The following BRD4 variants were observed in gnomAD, a reference collection of about 807,000 sequenced individuals.
BRD4 encodes the protein bromodomain-containing protein 4.
BRD4 carries 16 observed loss-of-function variants against 142.1 expected under a neutral mutation model. That is an observed-to-expected ratio of 0.11 (90% CI 0.08 to 0.17). BRD4 has a LOEUF of 0.17. Ranked by LOEUF, BRD4 falls within the 10% of genes least tolerant of loss-of-function variation. BRD4 has a pLI of 1.00. For synonymous variants in BRD4, 833 were observed against 707.5 expected (o/e 1.18, Z -2.82); for missense variants, 1,424 against 1,810.9 (o/e 0.79, Z 3.88).
chr19:15,264,179 G>C (rs1308774381), intron 6 of BRD4: 10 of 547,518 alleles, frequency 1.8e-5, no homozygotes, highest in Non-Finnish European at 2.8e-5. Flanking sequence ...CTAGGGGAAG[G>C]GGCAGCACAG....
rs746780898 is a variant in BRD4, at chr19:15,236,966, G to C, written c.*1411C>G. 9.9e-6 allele frequency: 2 copies of C among 202,718 alleles called. No homozygotes were observed. Among genetic ancestry groups the C allele is most frequent in the Non-Finnish European group, 2.0e-5 (2 of 99,694 alleles). The allele number at this position is 202,718 out of a possible 1,614,324, so 12.6% of individuals were successfully genotyped here. ...TGAGGCACCAGCGTCGTGGTGTAGA[G>C]TGGGTTCTCATGGCACGCGTAACCT... On this transcript the variant is annotated 3_prime_UTR_variant, in exon 20 of 20. Coordinates refer to ENST00000679869, the MANE Select transcript of BRD4 (RefSeq NM_001379291.1).
chr19:15,255,294 C>A lies in BRD4; in HGVS notation c.2047+3G>T. ...ACCCCATGCCCAGGGGGCCCAAGCA[C>A]ACCTTGAGGTTTCCTTTTCTTCCGC... is the stretch of plus-strand genomic sequence containing the variant. On this transcript the variant is annotated splice_donor_region_variant and intron_variant, in intron 10 of 19. Coordinates refer to ENST00000679869, the MANE Select transcript of BRD4 (RefSeq NM_001379291.1). 1.2e-6 allele frequency: 2 copies of A among 1,609,974 alleles called. No homozygotes were observed. Among genetic ancestry groups the A allele is most frequent in the Non-Finnish European group, 1.7e-6 (2 of 1,176,850 alleles).
intron 9 of BRD4, 80 bp from the exon 10 acceptor site, chr19:15,255,672 G>A (rs1285808263): frequency 1.3e-6 from 2 of 1,493,998 alleles, no homozygotes; most frequent in African/African-American, 1.4e-5. Context: ...ATGTATGTTG[G>A]GGGGAAGGGG....
rs1247875843 is a variant in BRD4, at chr19:15,263,431, G to A, written c.1330C>T (p.Arg444Cys). 1.9e-6 allele frequency: 3 copies of A among 1,613,978 alleles called. No individual in the cohort carries two copies. The highest frequency in any genetic ancestry group is 2.2e-5 in the East Asian group (1 of 44,894). The change falls in exon 7 of 20, where the codon CGC becomes TGC. Residue 444 changes from arginine (R) to cysteine (C), a missense_variant. Transcript: ENST00000679869. ...PPDHEVVAMA[R>C]KLQDVFEMRF... The stretch of plus-strand genomic sequence containing the variant: ...CTCCCAAGCCTCACCTGGAGCTTGC[G>A]GGCCATGGCCACCACCTCATGGTCA...
At chr19:15,308,479 C>T (rs1248772608) in intron 1 of BRD4, among the ~76,000 whole-genome samples, 2 of 150,808 alleles carry the variant, frequency 1.3e-5, no homozygotes, top group Admixed American at 1.3e-4. Flanking sequence ...CCCAGCTACT[C>T]AGGAGGCTGA....
Position 15,259,998 on chromosome 19 carries a change from G to A in BRD4, c.1342-2825C>T, listed in dbSNP as rs539715208. Among the ~76,000 whole-genome samples, 28 of 152,306 alleles carry A rather than the reference G, an allele frequency of 1.8e-4. No homozygotes were observed. The South Asian group carries it at 2.1e-3, about 11-fold the overall frequency. Reference sequence around the variant, plus strand: ...TGAGGGGTAGCAGGCACCAGCACCCGCCAGGGAACACCGAGTGCAGGCATT... The same window carrying A: ...TGAGGGGTAGCAGGCACCAGCACCCACCAGGGAACACCGAGTGCAGGCATT... On this transcript the variant is annotated intron_variant, in intron 7 of 19. Transcript: ENST00000679869.
intron 1 of BRD4, among the ~76,000 whole-genome samples, chr19:15,300,299 C>A (rs1396949909): frequency 6.6e-6 from 1 of 151,926 alleles, no homozygotes; most frequent in Non-Finnish European, 1.5e-5. Context: ...TGGTGGCTCA[C>A]CCCTGTAATC....
intron 1 of BRD4, among the ~76,000 whole-genome samples, chr19:15,308,844 T>C (rs534896532): frequency 1.7e-3 from 247 of 149,086 alleles, no homozygotes; most frequent in African/African-American, 5.8e-3. Context: ...TGAAACCCCG[T>C]CTCTACTAAA....
chr19:15,242,429 G>C (rs2047245416), intron 14 of BRD4, among the ~76,000 whole-genome samples: 1 of 152,188 alleles, frequency 6.6e-6, no homozygotes, highest in Admixed American at 6.5e-5. Context: ...GATGAGGACA[G>C]GTCCTGGGCG....
chr19:15,289,233 G>A (rs972327179), intron 1 of BRD4, among the ~76,000 whole-genome samples: 1 of 152,160 alleles, frequency 6.6e-6, no homozygotes, highest in Non-Finnish European at 1.5e-5. Context: ...GATTCCAGCA[G>A]AAAGCCAGAC....
intron 1 of BRD4, among the ~76,000 whole-genome samples, chr19:15,306,854 G>C (rs942664517): frequency 6.6e-6 from 1 of 152,102 alleles, no homozygotes; most frequent in Non-Finnish European, 1.5e-5. Context: ...AATCATAACA[G>C]ATATAATAGT....
chr19:15,267,904 A>T (rs1191339725), intron 3 of BRD4, among the ~76,000 whole-genome samples: 1 of 152,244 alleles, frequency 6.6e-6, no homozygotes, highest in Non-Finnish European at 1.5e-5. Context: ...TACGTGAATG[A>T]CACAGGATTT....
chr19:15,249,428 A>G, intron 11 of BRD4: 1 of 1,476,386 alleles, frequency 6.8e-7, no homozygotes. Flanking sequence ...GGCACTGGAG[A>G]CTGGAGCCCT....
At chr19:15,263,725 C>A (rs970722462) in intron 6 of BRD4, among the ~76,000 whole-genome samples, 177 bp from the exon 7 acceptor site, 2 of 152,216 alleles carry the variant, frequency 1.3e-5, no homozygotes, top group African/African-American at 4.8e-5. Flanking sequence ...AGGGCTGGGA[C>A]TGGCCCTGCC....
chr19:15,299,868 G>A (rs1395424922), intron 1 of BRD4, among the ~76,000 whole-genome samples: 2 of 152,148 alleles, frequency 1.3e-5, no homozygotes, highest in Admixed American at 6.5e-5. Flanking sequence ...AGGAAAACAC[G>A]ACTTAATTGC....
Position 15,327,812 on chromosome 19 carries a change from A to G in BRD4, c.-35+4478T>C, listed in dbSNP as rs529772520. Among the ~76,000 whole-genome samples the G allele has an allele frequency of 6.0e-5, 9 of 150,622 alleles. No individual in the cohort carries two copies. The South Asian group carries it at 8.5e-4, about 14-fold the overall frequency. On this transcript the variant is annotated intron_variant, in intron 1 of 19. Transcript: ENST00000679869. ...ATATTGTAGGATTCCTGAAATATCC[A>G]TAACAGGCAGATCCATAGAGACAGA...
In BRD4 at chr19:15,255,989, G is replaced by A. The variant is rs762624028; in HGVS notation, c.1751+75C>T. On this transcript the variant is annotated intron_variant, in intron 9 of 19. Transcript: ENST00000679869. ...CCGCACCCAATGAGGACAGGGAGGG[G>A]CAGTGGCCCACACAGTCTCAGAGCA... 2.2e-4 allele frequency: 351 copies of A among 1,568,522 alleles called. 1 individual carries two copies. The highest frequency in any genetic ancestry group is 2.9e-4 in the Non-Finnish European group (334 of 1,156,102).
intron 7 of BRD4, among the ~76,000 whole-genome samples, chr19:15,261,668 C>T (rs2047472768): frequency 6.6e-6 from 1 of 152,096 alleles, no homozygotes; most frequent in East Asian, 1.9e-4. Flanking sequence ...AGGCCAGGTG[C>T]CGTGGCTCAT....
Position 15,256,278 on chromosome 19 carries a change from G to A in BRD4, c.1552-15C>T, listed in dbSNP as rs201468339. ...ACGGCTTTGAGCTGTAGACCAGACA[G>A]GCAAGACACACACTCAGGGCTGAAA... On this transcript the variant is annotated splice_polypyrimidine_tract_variant and intron_variant, in intron 8 of 19. Coordinates refer to ENST00000679869, the MANE Select transcript of BRD4 (RefSeq NM_001379291.1). The A allele has an allele frequency of 1.1e-5, 17 of 1,605,440 alleles. No homozygotes were observed. Among genetic ancestry groups the A allele is most frequent in the Non-Finnish European group, 1.3e-5 (15 of 1,177,878 alleles).
Sources: allele counts gnomAD v4.1 joint callset (sites outside exome capture counted in the v4.1 genomes callset), GRCh38; gene constraint gnomAD v4.1.1; transcripts MANE v1.5; gene names NCBI Gene and HGNC (gene_info 2026-07-23, HGNC 2026-07-21).